Variants in CD276 observed in about 807,000 individuals in gnomAD.
CD276 encodes CD276 antigen.
CD276 carries 34 observed loss-of-function variants against 50.0 expected under a neutral mutation model. That is an observed-to-expected ratio of 0.68 (90% confidence interval 0.52 to 0.91). CD276 has a LOEUF of 0.91. CD276 is among the 40% of genes least tolerant of loss of function. The pLI, the probability that CD276 is intolerant of heterozygous loss-of-function variation, is 0.00. For synonymous variants in CD276, 275 were observed against 313.0 expected, an observed-to-expected ratio of 0.88 and a Z score of 1.28; for missense variants, 634 against 717.5, an observed-to-expected ratio of 0.88 and a Z score of 1.33.
intron 6 of CD276, among the ~76,000 whole-genome samples, chr15:73,705,453 C>T (rs529963553): frequency 6.6e-6 from 1 of 152,108 alleles, no homozygotes; most frequent in African/African-American, 2.4e-5. Context: ...CCCGTCACAT[C>T]GTCTGCTTGG....
chr15:73,712,810 TCA>T, intron 9 of CD276, 122 bp from the exon 10 acceptor site: 1 of 990,074 alleles, frequency 1.0e-6, no homozygotes, highest in Non-Finnish European at 1.5e-6. Context: ...GGCTGCTGTC[TCA>T]CACACACTCC....
intron 1 of CD276, among the ~76,000 whole-genome samples, chr15:73,688,427 G>A (rs1436876275): frequency 6.6e-6 from 1 of 152,122 alleles, no homozygotes; most frequent in Non-Finnish European, 1.5e-5. Flanking sequence ...TTAGAGATTT[G>A]GAATTGGGTC....
intron 1 of CD276, among the ~76,000 whole-genome samples, chr15:73,695,334 G>T (rs1398731623): frequency 1.3e-5 from 2 of 152,160 alleles, no homozygotes. Context: ...GCAGTGTCAG[G>T]AGGACGGGTC....
At chr15:73,698,745 A>G (rs771368293) in intron 1 of CD276, among the ~76,000 whole-genome samples, 6 of 151,960 alleles carry the variant, frequency 3.9e-5, no homozygotes, top group Non-Finnish European at 7.4e-5. Flanking sequence ...TATTTTTAGT[A>G]GAGATGGGGT....
rs367680608 is a variant in CD276, at chr15:73,702,359, C to T, written c.184C>T (p.Gln62Ter). ...FSPEPGFSLA[Q>*]LNLIWQLTDT... is the part of the protein sequence containing the mutation. ...CCCTGAGCCTGGCTTCAGCCTGGCA[C>T]AGCTCAACCTCATCTGGCAGCTGAC... The change falls in exon 3 of 10, where the codon CAG becomes TAG. Residue 62 changes from glutamine to a stop codon, truncating the protein, a stop_gained. Coordinates refer to ENST00000318443, the MANE Select transcript of CD276 (RefSeq NM_001024736.2). LOFTEE classifies it high-confidence loss of function. The T allele has an allele frequency of 3.7e-6, 6 of 1,613,524 alleles. No individual in the cohort carries two copies. Among genetic ancestry groups the T allele is most frequent in the Non-Finnish European group, 4.2e-6 (5 of 1,180,022 alleles).
rs752455322 is a variant in CD276 at position 73,699,696 on chromosome 15, A to G, written c.57A>G (p.Gly19=). 3.4e-5 allele frequency: 54 copies of G among 1,609,846 alleles called. No individual in the cohort carries two copies. The highest frequency in any genetic ancestry group is 2.1e-4 in the South Asian group (19 of 90,490). The change falls in exon 2 of 10, where the codon GGA becomes GGG. Residue 19 remains glycine (G), a synonymous_variant. Transcript: ENST00000318443. ...GMGVHVGAAL[G]ALWFCLTGAL... is the part of the protein sequence containing the mutation. The stretch of plus-strand genomic sequence containing the variant: ...GTGTGCATGTGGGTGCAGCCCTGGG[A>G]GCACTGTGGTTCTGCCTCACAGGTG...
chr15:73,712,813 C>A, intron 9 of CD276, 121 bp from the exon 10 acceptor site: 1 of 1,026,858 alleles, frequency 9.7e-7, no homozygotes, highest in Non-Finnish European at 1.5e-6. Flanking sequence ...TGCTGTCTCA[C>A]ACACACTCCC....
rs1046601986 is a variant in CD276 at position 73,687,675 on chromosome 15, C to T, written c.-55+3215C>T. 2.0e-5 allele frequency among the ~76,000 whole-genome samples: 3 copies of T among 152,194 alleles called. No individual in the cohort carries two copies. The highest frequency in any genetic ancestry group is 4.8e-5 in the African/African-American group (2 of 41,452). On this transcript the variant is annotated intron_variant, in intron 1 of 9. Transcript: ENST00000318443. This position sits in a 1 kb window ranked among gnomAD's most constrained non-coding sequence, Gnocchi z 4.0. ...TTCCCCCTCCACCCTCCAGTTCTGACCAGTGCTCCCAGCCAGCTGCCCCCT... is the reference window on the plus strand; with the variant it reads ...TTCCCCCTCCACCCTCCAGTTCTGATCAGTGCTCCCAGCCAGCTGCCCCCT...
chr15:73,714,006 G>A lies in CD276; in HGVS notation c.*1050G>A. On this transcript the variant is annotated 3_prime_UTR_variant, in exon 10 of 10. Transcript: ENST00000318443. The stretch of plus-strand genomic sequence containing the variant: ...GCAGGGGGCTCCTGCCTGGCTCCCT[G>A]CTCCACACCTCCTCTGTGGCTCAAG... 3.3e-6 allele frequency: 1 copy of A among 304,102 alleles called. No homozygotes were observed. Among genetic ancestry groups the A allele is most frequent in the Non-Finnish European group, 6.1e-6 (1 of 162,932 alleles). The allele number at this position is 304,102 out of a possible 1,614,324, so 18.8% of individuals were successfully genotyped here. A position where few individuals can be genotyped will look rare whatever the true frequency, so the allele number is the denominator to read the frequency against.
At chr15:73,710,261 C>T (rs1900839124) in intron 8 of CD276, among the ~76,000 whole-genome samples, 1 of 152,242 alleles carries the variant, frequency 6.6e-6, no homozygotes, top group Non-Finnish European at 1.5e-5. Flanking sequence ...TAGTTACAGA[C>T]TGTGTAGCTT....
chr15:73,703,750 C>T lies in CD276; in HGVS notation c.825C>T (p.Gly275=), dbSNP rs1478111556. The T allele has an allele frequency of 4.3e-6, 7 of 1,613,596 alleles. No individual in the cohort carries two copies. The highest frequency in any genetic ancestry group is 5.9e-6 in the Non-Finnish European group (7 of 1,180,010). Reference sequence around the variant, plus strand: ...GCTGCTCCTTCTCCCCCGAGCCTGGCTTCAGCCTGGCACAGCTCAACCTCA... The same window carrying T: ...GCTGCTCCTTCTCCCCCGAGCCTGGTTTCAGCCTGGCACAGCTCAACCTCA... ...TLRCSFSPEP[G]FSLAQLNLIW... is the part of the protein sequence containing the mutation. Residue 275 remains glycine, a synonymous_variant, in exon 5 of 10, where the codon GGC becomes GGT. Coordinates refer to ENST00000318443, the MANE Select transcript of CD276 (RefSeq NM_001024736.2).
At chr15:73,698,558 C>CT (rs1036537619) in intron 1 of CD276, among the ~76,000 whole-genome samples, 2 of 152,012 alleles carry the variant, frequency 1.3e-5, no homozygotes, top group Admixed American at 1.3e-4. Context: ...ATATTAGCCT[C>CT]TTTTTTTATT....
chr15:73,696,448 G>T (rs1472202600), intron 1 of CD276, among the ~76,000 whole-genome samples: 2 of 152,132 alleles, frequency 1.3e-5, no homozygotes, highest in Non-Finnish European at 2.9e-5. Context: ...AGCTGTCAGC[G>T]TAGGGGTCTC....
chr15:73,707,922 G>A (rs1900711632), intron 6 of CD276, among the ~76,000 whole-genome samples: 1 of 152,248 alleles, frequency 6.6e-6, no homozygotes, highest in African/African-American at 2.4e-5. Context: ...GAAGGAGCCA[G>A]TTGCTTCTGG....
At chr15:73,701,665 A>G (rs1443191556) in intron 2 of CD276, among the ~76,000 whole-genome samples, 1 of 152,176 alleles carries the variant, frequency 6.6e-6, no homozygotes, top group Non-Finnish European at 1.5e-5. Flanking sequence ...CATGTGCCTC[A>G]CCACCATATT....
chr15:73,684,668 C>G (rs956786795), intron 1 of CD276: 2 of 152,214 alleles, frequency 1.3e-5, no homozygotes, highest in Non-Finnish European at 2.9e-5. Flanking sequence ...GCGGGCGCCC[C>G]TCCTGCCCTG....
rs772859175 is a variant in CD276, at chr15:73,703,731, C to T, written c.806C>T (p.Ser269Phe). ...LVGTDATLRC[S>F]FSPEPGFSLA... The stretch of plus-strand genomic sequence containing the variant: ...GGCACCGATGCCACCCTGCGCTGCT[C>T]CTTCTCCCCCGAGCCTGGCTTCAGC... Residue 269 changes from serine to phenylalanine, a missense_variant, in exon 5 of 10, where the codon TCC (serine) becomes TTC (phenylalanine). Physicochemically the swap from Ser to Phe is radical, Grantham distance 155. Transcript: ENST00000318443. 8 of 1,613,366 alleles carry T rather than the reference C, an allele frequency of 5.0e-6. No homozygotes were observed. In the Admixed American group the frequency reaches 8.3e-5, roughly 17 times the overall value.
chr15:73,692,881 CT>C lies in CD276; in HGVS notation c.-54-6703del, dbSNP rs1312369101. On this transcript the variant is annotated intron_variant, in intron 1 of 9. Coordinates refer to ENST00000318443, the MANE Select transcript of CD276 (RefSeq NM_001024736.2). ...CAGATCGATAATCTTGTTCTTAATC[CT>C]TGACAAAGTCCTGGAACCAATGAGC... Among the ~76,000 whole-genome samples the C allele has an allele frequency of 2.6e-5, 4 of 152,166 alleles. No individual in the cohort carries two copies. The East Asian group carries it at 7.7e-4, about 29-fold the overall frequency.
In CD276 at chr15:73,707,655, T is replaced by C. The variant is rs557760317; in HGVS notation, c.1370-684T>C. ...CATCTCTGTTGCTGCTGCTTCTCCT[T>C]CTGTTCCTCCTCCGCCTTCCCCCAT... is the stretch of plus-strand genomic sequence containing the variant. On this transcript the variant is annotated intron_variant, in intron 6 of 9. Coordinates refer to ENST00000318443, the MANE Select transcript of CD276 (RefSeq NM_001024736.2). Among the ~76,000 whole-genome samples the C allele has an allele frequency of 1.1e-4, 17 of 152,338 alleles. No individual in the cohort carries two copies. The South Asian group carries it at 3.5e-3, about 32-fold the overall frequency.
Sources: allele counts gnomAD v4.1 joint callset (sites outside exome capture counted in the v4.1 genomes callset), GRCh38; gene constraint gnomAD v4.1.1; non-coding constraint Gnocchi (gnomAD v3.1); transcripts MANE v1.5; gene names NCBI Gene and HGNC (gene_info 2026-07-23, HGNC 2026-07-21).